CHRDL2: variants seen among roughly 807,000 people sequenced by gnomAD.
CHRDL2 encodes the protein chordin like 2.
A neutral mutation model predicts 54.3 loss-of-function variants in CHRDL2; 41 were observed. The observed-to-expected ratio is 0.76, with a 90% CI of 0.59 to 0.98. The LOEUF (loss-of-function observed/expected upper bound fraction) is 0.98, where lower values mean the gene tolerates loss of function less well. Among genes scored for constraint, CHRDL2 ranks in the 50% least tolerant of loss-of-function variants. The pLI, the probability that CHRDL2 is intolerant of heterozygous loss-of-function variation, is 0.00. For synonymous variants in CHRDL2, 220 were observed against 224.3 expected (o/e 0.98, Z 0.17); for missense variants, 518 against 562.4 (o/e 0.92, Z 0.80).
chr11:74,728,430 A>G lies in CHRDL2; in HGVS notation c.82+2377T>C, dbSNP rs79971575. 5.0e-3 allele frequency among the ~76,000 whole-genome samples: 754 copies of G among 152,312 alleles called. 7 individuals are homozygous for G. Among genetic ancestry groups the G allele is most frequent in the African/African-American group, 0.017 (722 of 41,574 alleles). On this transcript the variant is annotated intron_variant, in intron 1 of 10. Coordinates refer to ENST00000376332, the MANE Select transcript of CHRDL2 (RefSeq NM_001278473.3). ...CTTTCTAGATTCATAGGCTGTCAGC[A>G]CCAAACAAAATGAGGCTCAGATAAA...
intron 4 of CHRDL2, 23 bp from the exon 5 acceptor site, chr11:74,708,418 T>C (rs1232390658): frequency 1.3e-6 from 2 of 1,526,700 alleles, no homozygotes; most frequent in Non-Finnish European, 1.8e-6. Flanking sequence ...GCAAACCAGC[T>C]GGGAAATGAG....
rs560474803 is a variant in CHRDL2 at position 74,710,938 on chromosome 11, C to T, written c.343G>A (p.Gly115Arg). 11 of 1,613,950 alleles carry T rather than the reference C, an allele frequency of 6.8e-6. No homozygotes were observed. The highest frequency in any genetic ancestry group is 1.1e-5 in the South Asian group (1 of 91,070). The change falls in exon 4 of 11, where the codon GGG (glycine) becomes AGG (arginine). Residue 115 changes from glycine (G) to arginine (R), a missense_variant. Coordinates refer to ENST00000376332, the MANE Select transcript of CHRDL2 (RefSeq NM_001278473.3). Reference sequence around the variant, plus strand: ...ATCTCTCCGTGTTGGTACATGGTCCCGTTGTGCTGGCAGGACTTTGGTGGG... The same window carrying T: ...ATCTCTCCGTGTTGGTACATGGTCCTGTTGTGCTGGCAGGACTTTGGTGGG... Reference protein sequence around the residue: ...RAPPKSCQHNGTMYQHGEIFS... With the variant: ...RAPPKSCQHNRTMYQHGEIFS...
intron 1 of CHRDL2, among the ~76,000 whole-genome samples, chr11:74,726,673 G>T (rs2034576012): frequency 6.6e-6 from 1 of 152,222 alleles, no homozygotes; most frequent in Non-Finnish European, 1.5e-5. Flanking sequence ...CCTGGAACAG[G>T]TGCAACAGCT....
chr11:74,715,142 C>T (rs542896010), intron 2 of CHRDL2, among the ~76,000 whole-genome samples: 8 of 152,324 alleles, frequency 5.3e-5, no homozygotes, highest in African/African-American at 1.4e-4. Context: ...GTACTTTCCA[C>T]GATGCTGAGC....
rs529185388 is a variant in CHRDL2 at position 74,708,897 on chromosome 11, G to C, written c.433-502C>G. ...AAGACTGCAGGGGAAGGGGCCTTCT[G>C]GGGGTCAGGGGCCAGGTGACCATTG... On this transcript the variant is annotated intron_variant, in intron 4 of 10. Coordinates refer to ENST00000376332, the MANE Select transcript of CHRDL2 (RefSeq NM_001278473.3). Among the ~76,000 whole-genome samples the C allele has an allele frequency of 3.3e-5, 5 of 152,346 alleles. No individual in the cohort carries two copies. The East Asian group carries it at 9.6e-4, about 29-fold the overall frequency.
At position 74,696,569 on chromosome 11, in the gene CHRDL2, G is replaced by A. The variant is rs774352781; in HGVS notation, c.1230C>T (p.Phe410=). Residue 410 remains phenylalanine, a synonymous_variant, in exon 11 of 11, where the codon TTC becomes TTT. Transcript: ENST00000376332. ...AGPHEGHWNV[F]LAQTLELKVT... Reference sequence around the variant, plus strand: ...CCTTCAGCTCCAGGGTCTGGGCTAGGAAGACGTTCCAGTGACCTGCATGGA... The same window carrying A: ...CCTTCAGCTCCAGGGTCTGGGCTAGAAAGACGTTCCAGTGACCTGCATGGA... 6.2e-7 allele frequency: 1 copy of A among 1,613,922 alleles called. No homozygotes were observed. Among genetic ancestry groups the A allele is most frequent in the Non-Finnish European group, 8.5e-7 (1 of 1,179,984 alleles).
Position 74,696,439 on chromosome 11 carries a change from G to T in CHRDL2, c.*70C>A. On this transcript the variant is annotated 3_prime_UTR_variant, in exon 11 of 11. Transcript: ENST00000376332. ...CCCAGAAGGCAGGGCTGAGGGTAAT[G>T]CAACTTCTTATTTATTAATATATAA... The T allele has an allele frequency of 7.8e-7, 1 of 1,284,316 alleles. No individual in the cohort carries two copies. Among genetic ancestry groups the T allele is most frequent in the Non-Finnish European group, 1.1e-6 (1 of 896,010 alleles). 79.6% of individuals were successfully genotyped at this position (1,284,316 alleles called of 1,614,324 possible).
chr11:74,706,666 C>T, intron 5 of CHRDL2, 124 bp from the exon 6 acceptor site: 2 of 826,672 alleles, frequency 2.4e-6, no homozygotes, highest in East Asian at 2.5e-5. Flanking sequence ...GCAGCCCCAG[C>T]CCACTAGCCA....
chr11:74,710,326 G>A lies in CHRDL2; in HGVS notation c.432+523C>T, dbSNP rs1209796024. ...AGGAGGCTGAAGACTTTCCAGAGGA[G>A]GCCCTGCTTAGCTTCAGTCTCTGTC... On this transcript the variant is annotated intron_variant, in intron 4 of 10. Transcript: ENST00000376332. 2.0e-5 allele frequency among the ~76,000 whole-genome samples: 3 copies of A among 152,290 alleles called. No individual in the cohort carries two copies. The East Asian group carries it at 5.8e-4, about 29-fold the overall frequency.
At chr11:74,712,544 A>G (rs1318407570) in intron 3 of CHRDL2, among the ~76,000 whole-genome samples, 5 of 152,164 alleles carry the variant, frequency 3.3e-5, no homozygotes, top group Non-Finnish European at 5.9e-5. Flanking sequence ...ACCCACAGCC[A>G]GGAATCTCTA....
intron 9 of CHRDL2, among the ~76,000 whole-genome samples, chr11:74,702,437 G>A (rs2135236809): frequency 6.6e-6 from 1 of 152,222 alleles, no homozygotes; most frequent in East Asian, 1.9e-4. Context: ...CTCCTACTCT[G>A]AGGATGCTGT....
intron 5 of CHRDL2, among the ~76,000 whole-genome samples, chr11:74,707,690 C>T (rs1244815019): frequency 6.6e-6 from 1 of 152,024 alleles, no homozygotes; most frequent in African/African-American, 2.4e-5. Flanking sequence ...GCAGGCACTG[C>T]AGCAGCAGCC....
intron 1 of CHRDL2, among the ~76,000 whole-genome samples, chr11:74,723,473 G>A (rs2034527535): frequency 6.6e-6 from 1 of 152,114 alleles, no homozygotes. Flanking sequence ...CATCCTTACT[G>A]TAGATCTTAG....
chr11:74,720,394 C>G (rs1350963248), intron 1 of CHRDL2: 1 of 154,056 alleles, frequency 6.5e-6, no homozygotes, highest in East Asian at 1.9e-4. Flanking sequence ...GCCTAAAGTC[C>G]TCCGCTAGGA....
intron 3 of CHRDL2, among the ~76,000 whole-genome samples, chr11:74,712,260 CG>C (rs2034216110): frequency 6.6e-6 from 1 of 151,960 alleles, no homozygotes; most frequent in Admixed American, 6.6e-5. Flanking sequence ...CTAACTCAGC[CG>C]GGGAGGAATG....
At chr11:74,702,311 A>G (rs1396752966) in intron 9 of CHRDL2, among the ~76,000 whole-genome samples, 1 of 151,906 alleles carries the variant, frequency 6.6e-6, no homozygotes, top group Non-Finnish European at 1.5e-5. Flanking sequence ...ATAGCAGCAG[A>G]TTGTTGAAGA....
At chr11:74,700,290 G>C (rs1389736915) in intron 9 of CHRDL2, among the ~76,000 whole-genome samples, 1 of 152,230 alleles carries the variant, frequency 6.6e-6, no homozygotes, top group Non-Finnish European at 1.5e-5. Flanking sequence ...ATGGGCGTGA[G>C]CTCTGGAGCC....
chr11:74,718,816 G>A lies in CHRDL2; in HGVS notation c.99C>T (p.Cys33=). ...GGGAGTATCTCTTCCCATGGAAAAGGCAGAACATGTCTGGGCCTGGCAAAC... is the reference window on the plus strand; with the variant it reads ...GGGAGTATCTCTTCCCATGGAAAAGACAGAACATGTCTGGGCCTGGCAAAC... The part of the protein sequence containing the change: ...SHARARPDMF[C]LFHGKRYSPG... The change falls in exon 2 of 11, where the codon TGC becomes TGT. Residue 33 remains cysteine, a synonymous_variant. Coordinates refer to ENST00000376332, the MANE Select transcript of CHRDL2 (RefSeq NM_001278473.3). 1 of 1,611,708 alleles carries A rather than the reference G, an allele frequency of 6.2e-7. No individual in the cohort carries two copies. Among genetic ancestry groups the A allele is most frequent in the Non-Finnish European group, 8.5e-7 (1 of 1,178,866 alleles).
chr11:74,729,581 T>C (rs2034621429), intron 1 of CHRDL2, among the ~76,000 whole-genome samples: 1 of 152,216 alleles, frequency 6.6e-6, no homozygotes, highest in South Asian at 2.1e-4. Flanking sequence ...CAGCCTGCTC[T>C]CATGAGCAGA....
Sources: gnomAD v4.1 joint callset for allele counts (sites outside exome capture counted in the v4.1 genomes callset) on GRCh38, gnomAD v4.1.1 for gene constraint, MANE v1.5 for transcripts, NCBI Gene and HGNC (gene_info 2026-07-23, HGNC 2026-07-21) for gene names.